PDE3B: variants seen among roughly 807,000 people sequenced by gnomAD.
PDE3B encodes the protein phosphodiesterase 3B, also known as cGMP-inhibited 3',5'-cyclic phosphodiesterase 3B.
PDE3B carries 66 observed loss-of-function variants against 116.8 expected under a neutral mutation model. The observed-to-expected ratio is 0.56, with a 90% CI of 0.46 to 0.69. The LOEUF is 0.69. Among genes scored for constraint, PDE3B ranks in the 30% least tolerant of loss-of-function variants. The pLI is 0.00. For missense variants in PDE3B, 1,384 were observed against 1,368.1 expected (o/e 1.01, Z -0.18); for synonymous variants, 595 against 533.6 (o/e 1.12, Z -1.59).
chr11:14,706,908 T>G (rs1855550614), intron 1 of PDE3B, among the ~76,000 whole-genome samples: 1 of 151,904 alleles, frequency 6.6e-6, no homozygotes, highest in Non-Finnish European at 1.5e-5. Context: ...AGACATCTGA[T>G]AAGTGTCAAG....
chr11:14,656,542 C>G (rs546125146), intron 1 of PDE3B, among the ~76,000 whole-genome samples: 3 of 152,258 alleles, frequency 2.0e-5, no homozygotes, highest in Non-Finnish European at 4.4e-5. Flanking sequence ...TGAAGCTAGA[C>G]TGCTTGAGTT....
At chr11:14,892,293 C>T in the PDE3B span, 3 of 1,294,862 alleles carry the variant, frequency 2.3e-6, no homozygotes, top group Non-Finnish European at 3.2e-6. Flanking sequence ...GGCAGGATAC[C>T]CTCAGGTCCC....
intron 5 of PDE3B, among the ~76,000 whole-genome samples, chr11:14,814,051 C>A (rs532383888): frequency 1.4e-4 from 22 of 152,156 alleles, no homozygotes; most frequent in African/African-American, 5.3e-4. Flanking sequence ...CATGTATGTT[C>A]ATTTGATAAA....
chr11:14,880,285 A>G, the PDE3B span: 221 of 1,613,244 alleles, frequency 1.4e-4, 1 homozygote, highest in Middle Eastern at 4.6e-3. Flanking sequence ...ACCTTGATCC[A>G]TCTCATCTAA....
intron 7 of PDE3B, among the ~76,000 whole-genome samples, chr11:14,825,502 C>G (rs952686677): frequency 1.1e-4 from 16 of 152,006 alleles, no homozygotes; most frequent in African/African-American, 3.9e-4. Context: ...TAATTTCAGA[C>G]AAAACAGACT....
intron 1 of PDE3B, among the ~76,000 whole-genome samples, chr11:14,681,333 T>G (rs1428784070): frequency 1.3e-5 from 2 of 152,172 alleles, no homozygotes; most frequent in Admixed American, 1.3e-4. Flanking sequence ...CTCCCACAAT[T>G]CCCATGTGTC....
intron 1 of PDE3B, among the ~76,000 whole-genome samples, chr11:14,769,606 T>C (rs1349865717): frequency 1.4e-5 from 2 of 147,292 alleles, no homozygotes; most frequent in African/African-American, 2.5e-5. Flanking sequence ...GATATATATA[T>C]ATATATATTT....
chr11:14,655,155 TGG>T (rs1853679054), intron 1 of PDE3B, among the ~76,000 whole-genome samples: 1 of 151,778 alleles, frequency 6.6e-6, no homozygotes, highest in African/African-American at 2.4e-5. Flanking sequence ...AATAAAAGAA[TGG>T]AAAAAGGACA....
chr11:14,673,874 T>G (rs774126012), intron 1 of PDE3B: 133 of 1,420,758 alleles, frequency 9.4e-5, no homozygotes, highest in Non-Finnish European at 1.1e-4. Flanking sequence ...TGCCCAACAT[T>G]ACGTTGAAGT....
intron 1 of PDE3B, among the ~76,000 whole-genome samples, chr11:14,745,527 A>T (rs1226792009): frequency 6.6e-6 from 1 of 152,188 alleles, no homozygotes; most frequent in Non-Finnish European, 1.5e-5. Flanking sequence ...AGAAATATAT[A>T]AAAATGTACT....
At chr11:14,753,498 A>G (rs1006890514) in intron 1 of PDE3B, among the ~76,000 whole-genome samples, 1 of 152,134 alleles carries the variant, frequency 6.6e-6, no homozygotes, top group African/African-American at 2.4e-5. Context: ...CTCAGATGCC[A>G]ATTCTGATTT....
At chr11:14,743,399 A>G (rs1856821320) in intron 1 of PDE3B, among the ~76,000 whole-genome samples, 2 of 152,110 alleles carry the variant, frequency 1.3e-5, no homozygotes, top group South Asian at 4.1e-4. Flanking sequence ...GTAATGGCAG[A>G]CACCCCTTCC....
At chr11:14,845,552 G>A (rs558568910) in intron 12 of PDE3B, among the ~76,000 whole-genome samples, 215 of 152,182 alleles carry the variant, frequency 1.4e-3, no homozygotes, top group African/African-American at 4.9e-3. Flanking sequence ...AGCTACAGGA[G>A]GAAATTCAAA....
At chr11:14,812,142 T>G (rs892778788) in intron 5 of PDE3B, among the ~76,000 whole-genome samples, 1 of 152,206 alleles carries the variant, frequency 6.6e-6, no homozygotes, top group African/African-American at 2.4e-5. Context: ...GTCTATGGTT[T>G]CTTTTTGAGT....
At chr11:14,892,177 C>G in the PDE3B span, 199 of 1,610,696 alleles carry the variant, frequency 1.2e-4, 1 homozygote, top group African/African-American at 2.5e-3. Flanking sequence ...CGCCGCCGCG[C>G]CCTCTTCAGC....
chr11:14,841,119 G>C (rs922632912), intron 11 of PDE3B, among the ~76,000 whole-genome samples: 1 of 151,626 alleles, frequency 6.6e-6, no homozygotes, highest in Admixed American at 6.6e-5. Flanking sequence ...AAGGTCGGTG[G>C]GCCTCATCCA....
chr11:14,890,555 T>TTTTC, the PDE3B span: 1 of 562,298 alleles, frequency 1.8e-6, no homozygotes, highest in Admixed American at 7.1e-5. Context: ...TTTTTTTTTT[T>TTTTC]TTTTTTTTTG....
the PDE3B span, among the ~76,000 whole-genome samples, chr11:14,883,135 TC>T: frequency 1.3e-5 from 2 of 152,070 alleles, no homozygotes; most frequent in East Asian, 3.9e-4. Flanking sequence ...TTCAATGCCA[TC>T]CCCATCAAGC....
At chr11:14,832,946 AT>A (rs1859939553) in intron 10 of PDE3B, 113 bp downstream of exon 10, 1 of 537,434 alleles carries the variant, frequency 1.9e-6, no homozygotes, top group Admixed American at 3.7e-5. Context: ...CTTGTTTGAA[AT>A]TTTCTTTTTT....
Sources: gnomAD v4.1 joint callset for allele counts (sites outside exome capture counted in the v4.1 genomes callset) on GRCh38, gnomAD v4.1.1 for gene constraint, MANE v1.5 for transcripts, NCBI Gene and HGNC (gene_info 2026-07-23, HGNC 2026-07-21) for gene names.